DGKB: variants seen among roughly 807,000 people sequenced by gnomAD.
The protein encoded by DGKB is diacylglycerol kinase beta.
A neutral mutation model predicts 114.3 loss-of-function variants in DGKB; 67 were observed. That is an observed-to-expected ratio of 0.59 (90% CI 0.48 to 0.72). The LOEUF (loss-of-function observed/expected upper bound fraction) is 0.72, where lower values mean the gene tolerates loss of function less well. Ranked by LOEUF, DGKB falls within the 30% of genes least tolerant of loss-of-function variation. The probability of loss-of-function intolerance (pLI) is 0.00; values close to 1 mark genes in which losing one functional copy is unlikely to be tolerated. For missense variants in DGKB, 907 were observed against 975.2 expected (o/e 0.93, Z 0.93); for synonymous variants, 398 against 323.1 (o/e 1.23, Z -2.49).
chr7:14,356,578 T>C lies in DGKB; in HGVS notation c.1836-11187A>G, dbSNP rs548912439. On this transcript the variant is annotated intron_variant, in intron 21 of 25. Transcript: ENST00000402815. ...GGTTTCATTGTGTTAGCCAGGATGGTCTCAATCTCCTGACCTCGTGATCAG... is the reference window on the plus strand; with the variant it reads ...GGTTTCATTGTGTTAGCCAGGATGGCCTCAATCTCCTGACCTCGTGATCAG... Among the ~76,000 whole-genome samples the C allele has an allele frequency of 7.2e-3, 1,094 of 152,140 alleles. 10 individuals carry two copies. Among genetic ancestry groups the C allele is most frequent in the African/African-American group, 0.021 (860 of 41,506 alleles).
intron 23 of DGKB, among the ~76,000 whole-genome samples, chr7:14,327,949 G>T (rs1809041996): frequency 6.6e-6 from 1 of 152,018 alleles, no homozygotes; most frequent in African/African-American, 2.4e-5. Context: ...GCAAAAACAT[G>T]TTAAAATATG....
At chr7:14,182,986 A>G (rs1396442810) in intron 23 of DGKB, among the ~76,000 whole-genome samples, 5 of 152,192 alleles carry the variant, frequency 3.3e-5, no homozygotes, top group African/African-American at 7.2e-5. Context: ...CCACTGTCAG[A>G]GGCCATGTGG....
At chr7:14,480,673 G>A (rs557059113) in intron 20 of DGKB, among the ~76,000 whole-genome samples, 9 of 152,008 alleles carry the variant, frequency 5.9e-5, no homozygotes, top group Non-Finnish European at 1.2e-4. Context: ...CATTACTTCC[G>A]CTTCCTAGAA....
intron 9 of DGKB, among the ~76,000 whole-genome samples, chr7:14,689,213 T>TATTTTTTTA (rs1320123818): frequency 7.6e-6 from 1 of 131,358 alleles, no homozygotes; most frequent in Non-Finnish European, 1.7e-5. Context: ...TTTTTTTTTT[T>TATTTTTTTA]TTTTTTTTTT....
Position 14,281,842 on chromosome 7 carries a change from T to C in DGKB, c.2122+56673A>G, listed in dbSNP as rs916848440. 3.2e-4 allele frequency among the ~76,000 whole-genome samples: 47 copies of C among 145,602 alleles called. 1 individual carries two copies. In the Middle Eastern group the frequency reaches 0.014, roughly 45 times the overall value. ...AACAAAGACACAACATACCAGAATC[T>C]CTGGGACGCATTCAAAGCAGTGTGT... On this transcript the variant is annotated intron_variant, in intron 23 of 25. Coordinates refer to ENST00000402815, the MANE Select transcript of DGKB (RefSeq NM_001350709.2).
chr7:14,681,952 T>C (rs993380612), intron 12 of DGKB, among the ~76,000 whole-genome samples: 2 of 152,092 alleles, frequency 1.3e-5, no homozygotes, highest in African/African-American at 4.8e-5. Flanking sequence ...CAACAATATG[T>C]TGGAAGAAGC....
At chr7:14,575,638 A>G (rs1200927819) in intron 19 of DGKB, among the ~76,000 whole-genome samples, 1 of 152,216 alleles carries the variant, frequency 6.6e-6, no homozygotes, top group Non-Finnish European at 1.5e-5. Context: ...ATATTTTACT[A>G]CTGATGATGA....
At chr7:14,770,137 G>A (rs1468176153) in intron 2 of DGKB, among the ~76,000 whole-genome samples, 1 of 152,014 alleles carries the variant, frequency 6.6e-6, no homozygotes, top group African/African-American at 2.4e-5. Context: ...TTGTAAAATT[G>A]TTATGTGGTA....
chr7:14,934,131 G>C (rs1785166438), intron 1 of DGKB, among the ~76,000 whole-genome samples: 1 of 152,022 alleles, frequency 6.6e-6, no homozygotes, highest in South Asian at 2.1e-4. Flanking sequence ...TGTCAGCTCT[G>C]GGTTCAATAA....
At chr7:14,320,540 T>C (rs112681809) in intron 23 of DGKB, among the ~76,000 whole-genome samples, 6 of 151,716 alleles carry the variant, frequency 4.0e-5, no homozygotes, top group East Asian at 3.9e-4. Context: ...GCATATGCGG[T>C]ACATATATGT....
upstream of DGKB, among the ~76,000 whole-genome samples, chr7:14,905,236 T>C (rs1190214961): frequency 8.8e-6 from 1 of 113,174 alleles, no homozygotes; most frequent in Non-Finnish European, 1.7e-5. Context: ...TTAACATCCA[T>C]CTTGTTAGTT....
chr7:14,352,434 C>T (rs1813645353), intron 21 of DGKB, among the ~76,000 whole-genome samples: 1 of 152,004 alleles, frequency 6.6e-6, no homozygotes, highest in African/African-American at 2.4e-5. Context: ...TTGTATTGTA[C>T]ATTAGAACTA....
At chr7:14,428,089 G>T (rs1049583073) in intron 21 of DGKB, among the ~76,000 whole-genome samples, 1 of 151,520 alleles carries the variant, frequency 6.6e-6, no homozygotes, top group Non-Finnish European at 1.5e-5. Flanking sequence ...TTCTGATTCT[G>T]GCAATCAGAA....
chr7:14,496,932 G>C (rs1785389530), intron 20 of DGKB, among the ~76,000 whole-genome samples: 1 of 151,762 alleles, frequency 6.6e-6, no homozygotes, highest in Non-Finnish European at 1.5e-5. Flanking sequence ...CTATATTGAA[G>C]GAGGTGGGGA....
intron 25 of DGKB, among the ~76,000 whole-genome samples, chr7:14,172,441 G>C (rs1386935412): frequency 1.3e-5 from 2 of 152,146 alleles, no homozygotes; most frequent in Non-Finnish European, 2.9e-5. Flanking sequence ...TTAATAGGGA[G>C]AGAAAGAAAG....
chr7:14,941,158 T>A (rs1179083710), intron 1 of DGKB, among the ~76,000 whole-genome samples: 1 of 152,056 alleles, frequency 6.6e-6, no homozygotes, highest in Admixed American at 6.6e-5. Flanking sequence ...CTAACTTCAG[T>A]AGGGCATGGA....
chr7:14,853,932 C>A (rs1458421373), intron 1 of DGKB, among the ~76,000 whole-genome samples: 2 of 149,258 alleles, frequency 1.3e-5, no homozygotes, highest in Non-Finnish European at 3.0e-5. Context: ...CCTCACATGA[C>A]ATTCTATTAG....
chr7:14,483,912 A>C (rs1394436166), intron 20 of DGKB, among the ~76,000 whole-genome samples: 1 of 152,100 alleles, frequency 6.6e-6, no homozygotes, highest in Non-Finnish European at 1.5e-5. Flanking sequence ...AAGGATATTA[A>C]ATTTGGATTT....
intron 23 of DGKB, among the ~76,000 whole-genome samples, chr7:14,330,028 TCAAGGTCTA>T (rs1406222751): frequency 6.6e-6 from 1 of 152,002 alleles, no homozygotes; most frequent in African/African-American, 2.4e-5. Context: ...ATATCAGATA[TCAAGGTCTA>T]CAGAACATAC....
Sources: allele counts gnomAD v4.1 joint callset (sites outside exome capture counted in the v4.1 genomes callset), GRCh38; gene constraint gnomAD v4.1.1; transcripts MANE v1.5; gene names NCBI Gene and HGNC (gene_info 2026-07-23, HGNC 2026-07-21).